The following ADAM10 variants were observed in gnomAD, a reference collection of about 807,000 sequenced individuals.
The protein encoded by ADAM10 is ADAM metallopeptidase domain 10.
A neutral mutation model predicts 90.1 loss-of-function variants in ADAM10; 17 were observed. That is an observed-to-expected ratio of 0.19 (90% CI 0.13 to 0.28). The LOEUF (loss-of-function observed/expected upper bound fraction) is 0.28. Ranked by LOEUF, ADAM10 falls within the 10% of genes least tolerant of loss-of-function variation. The probability of loss-of-function intolerance (pLI) is 1.00; values close to 1 mark genes in which losing one functional copy is unlikely to be tolerated. For missense variants in ADAM10, 610 were observed against 914.3 expected, an observed-to-expected ratio of 0.67 and a Z score of 4.29; for synonymous variants, 310 against 298.6, an observed-to-expected ratio of 1.04 and a Z score of -0.40.
intron 2 of ADAM10, chr15:58,686,568 T>C (rs1439922926): frequency 1.6e-6 from 2 of 1,268,984 alleles, no homozygotes; most frequent in Non-Finnish European, 2.3e-6. Context: ...GTGGGTGTTC[T>C]AGCTGGAAGT....
At chr15:58,733,376 T>C (rs1489067019) in intron 1 of ADAM10, among the ~76,000 whole-genome samples, 3 of 152,188 alleles carry the variant, frequency 2.0e-5, no homozygotes, top group African/African-American at 7.2e-5. Context: ...AAGACCTGGG[T>C]TGGGGTCTGC....
chr15:58,688,184 G>C (rs534977091), intron 2 of ADAM10, among the ~76,000 whole-genome samples: 6 of 152,288 alleles, frequency 3.9e-5, no homozygotes, highest in Non-Finnish European at 7.3e-5. Flanking sequence ...GGACTTCCCA[G>C]TAGAAGCTCC....
At chr15:58,673,805 G>A (rs1211472070) in intron 4 of ADAM10, among the ~76,000 whole-genome samples, 1 of 151,528 alleles carries the variant, frequency 6.6e-6, no homozygotes, top group East Asian at 1.9e-4. Context: ...CATGATCTCG[G>A]CTCACTGCAA....
Position 58,654,246 on chromosome 15 carries a change from G to A in ADAM10, c.586-8042C>T, listed in dbSNP as rs1207920082. Among the ~76,000 whole-genome samples, 8 of 151,402 alleles carry A rather than the reference G, an allele frequency of 5.3e-5. No homozygotes were observed. The East Asian group carries it at 1.5e-3, about 29-fold the overall frequency. On this transcript the variant is annotated intron_variant, in intron 5 of 15. Transcript: ENST00000260408. ...TTATTTCTTTTCTTCTACTAATTTC[G>A]GGTTTGGTTTGCTCTTGCAAAATGC...
intron 2 of ADAM10, among the ~76,000 whole-genome samples, chr15:58,697,155 T>C (rs2140783992): frequency 6.6e-6 from 1 of 152,290 alleles, no homozygotes; most frequent in Admixed American, 6.5e-5. Context: ...TGCTGGCTGC[T>C]GCCACTGGTG....
chr15:58,676,371 A>G (rs2140746665), intron 4 of ADAM10: 1 of 452,212 alleles, frequency 2.2e-6, no homozygotes, highest in East Asian at 7.0e-5. Context: ...GCAAGTAAAG[A>G]TTTTTATACA....
At chr15:58,603,711 G>A (rs907088879) in intron 14 of ADAM10, among the ~76,000 whole-genome samples, 1 of 152,084 alleles carries the variant, frequency 6.6e-6, no homozygotes, top group East Asian at 1.9e-4. Context: ...AGACCACTAT[G>A]TAGGAGAGAG....
At chr15:58,622,324 C>T (rs1456446288) in intron 10 of ADAM10, among the ~76,000 whole-genome samples, 2 of 152,176 alleles carry the variant, frequency 1.3e-5, no homozygotes, top group Non-Finnish European at 2.9e-5. Flanking sequence ...CCTCAAATGT[C>T]TCTTTACAAT....
chr15:58,655,710 A>ACTATATATT (rs1566982335), intron 5 of ADAM10, among the ~76,000 whole-genome samples: 17 of 44,204 alleles, frequency 3.8e-4, no homozygotes, highest in African/African-American at 1.1e-3. Flanking sequence ...ATATATATAT[A>ACTATATATT]GTATATATAT....
intron 1 of ADAM10, among the ~76,000 whole-genome samples, chr15:58,745,422 G>A (rs1156468582): frequency 6.6e-6 from 1 of 152,066 alleles, no homozygotes; most frequent in Non-Finnish European, 1.5e-5. Context: ...AAAAGAAATG[G>A]TTTCTTACTT....
intron 14 of ADAM10, among the ~76,000 whole-genome samples, chr15:58,600,139 T>C (rs1284160118): frequency 6.6e-6 from 1 of 152,168 alleles, no homozygotes; most frequent in African/African-American, 2.4e-5. Context: ...CTCCCTCAAA[T>C]GGATAATGTG....
chr15:58,668,595 TC>T (rs1425570049), intron 4 of ADAM10, among the ~76,000 whole-genome samples: 1 of 150,186 alleles, frequency 6.7e-6, no homozygotes, highest in African/African-American at 2.4e-5. Flanking sequence ...AAATTCCACC[TC>T]CCCAGGGAAG....
intron 12 of ADAM10, chr15:58,611,374 G>A (rs1313138431): frequency 4.5e-6 from 2 of 440,268 alleles, no homozygotes; most frequent in African/African-American, 4.0e-5. Context: ...GAGATTAGAT[G>A]AGGATCGATT....
At chr15:58,662,412 A>C (rs1441397655) in intron 5 of ADAM10, among the ~76,000 whole-genome samples, 1 of 152,224 alleles carries the variant, frequency 6.6e-6, no homozygotes, top group Non-Finnish European at 1.5e-5. Flanking sequence ...GGATCACAGC[A>C]GCCTCAACCA....
intron 11 of ADAM10, among the ~76,000 whole-genome samples, chr15:58,615,004 G>A (rs1895562801): frequency 6.6e-6 from 1 of 152,338 alleles, no homozygotes; most frequent in Middle Eastern, 3.4e-3. Flanking sequence ...GCCGGGTGCA[G>A]TGGCTCACGC....
At chr15:58,730,672 C>T (rs1173630416) in intron 1 of ADAM10, among the ~76,000 whole-genome samples, 3 of 152,090 alleles carry the variant, frequency 2.0e-5, no homozygotes, top group Non-Finnish European at 4.4e-5. Flanking sequence ...TAAGGAAGAC[C>T]TAGAGAGCTG....
At chr15:58,673,773 C>T (rs1358831146) in intron 4 of ADAM10, among the ~76,000 whole-genome samples, 10 of 151,126 alleles carry the variant, frequency 6.6e-5, no homozygotes, top group East Asian at 2.0e-4. Context: ...CTCACTCTGT[C>T]GCCCAGGCTG....
At chr15:58,619,471 T>A (rs1440852487) in intron 11 of ADAM10, among the ~76,000 whole-genome samples, 3 of 152,222 alleles carry the variant, frequency 2.0e-5, no homozygotes, top group Non-Finnish European at 2.9e-5. Context: ...AGATTTAAAA[T>A]GTTCCCAAGA....
intron 1 of ADAM10, among the ~76,000 whole-genome samples, chr15:58,726,287 A>G (rs552705861): frequency 9.5e-4 from 145 of 152,326 alleles, no homozygotes; most frequent in African/African-American, 3.3e-3. Flanking sequence ...AGCCAATAGC[A>G]GAGATAAAAT....
Sources: gnomAD v4.1 joint callset for allele counts (sites outside exome capture counted in the v4.1 genomes callset) on GRCh38, gnomAD v4.1.1 for gene constraint, MANE v1.5 for transcripts, NCBI Gene and HGNC (gene_info 2026-07-23, HGNC 2026-07-21) for gene names.